ERN2: variants seen among roughly 807,000 people sequenced by gnomAD.
ERN2 encodes the protein endoplasmic reticulum to nucleus signaling 2.
ERN2 carries 111 observed loss-of-function variants against 107.9 expected under a neutral mutation model. The observed-to-expected ratio is 1.03, with a 90% confidence interval of 0.88 to 1.20. The LOEUF (loss-of-function observed/expected upper bound fraction) is 1.20, where lower values mean the gene tolerates loss of function less well. Among genes scored for constraint, ERN2 ranks in the 50% most tolerant of loss-of-function variants. ERN2 has a pLI of 0.00. For synonymous variants in ERN2, 524 were observed against 501.7 expected (o/e 1.04, Z -0.59); for missense variants, 1,225 against 1,197.9 (o/e 1.02, Z -0.33).
intron 18 of ERN2, 24 bp downstream of exon 18, chr16:23,692,160 C>T: frequency 6.2e-7 from 1 of 1,614,032 alleles, no homozygotes; most frequent in Non-Finnish European, 8.5e-7. Context: ...CCTCCCTTCT[C>T]TGCCCTGCCC....
chr16:23,706,076 G>T (rs1960294452), intron 7 of ERN2: 2 of 419,180 alleles, frequency 4.8e-6, no homozygotes, highest in African/African-American at 4.2e-5. Flanking sequence ...GTCATCCAGG[G>T]TTACCCGGTT....
intron 17 of ERN2, among the ~76,000 whole-genome samples, chr16:23,693,741 C>G (rs943455410): frequency 2.0e-5 from 3 of 152,166 alleles, no homozygotes; most frequent in Non-Finnish European, 4.4e-5. Context: ...TGGTGACTGT[C>G]CTTTTGTGTG....
intron 13 of ERN2, 26 bp from the exon 14 acceptor site, chr16:23,696,004 A>C (rs764663556): frequency 8.2e-6 from 13 of 1,582,114 alleles, no homozygotes; most frequent in African/African-American, 2.7e-5. Flanking sequence ...GTGGTGACTC[A>C]GGGAGCCTCT....
chr16:23,694,737 T>C lies in ERN2; in HGVS notation c.2091A>G (p.Pro697=). 6.2e-7 allele frequency: 1 copy of C among 1,606,448 alleles called. No homozygotes were observed. Among genetic ancestry groups the C allele is most frequent in the South Asian group, 1.1e-5 (1 of 90,242 alleles). Residue 697 remains proline (P), a synonymous_variant, in exon 17 of 22, where the codon CCA becomes CCG. Transcript: ENST00000256797. The part of the protein sequence containing the change: ...MAPELLQLLP[P]DSPTSAVDIF... ...TGGTGGATAGACTCACAGGACTGTC[T>C]GGTGGCAGGAGCTGCAGAAGCTCGG...
At position 23,704,852 on chromosome 16, in the gene ERN2, C is replaced by T. The variant is rs748629859; in HGVS notation, c.854+31G>A. 3 of 1,595,224 alleles carry T rather than the reference C, an allele frequency of 1.9e-6. No individual in the cohort carries two copies. In the African/African-American group the frequency reaches 4.0e-5, roughly 21 times the overall value. ...CAGGTTGCGACACTCCCAGATGGCT[C>T]CCTCCCTGGGCCCCAGGCACGAACA... is the stretch of plus-strand genomic sequence containing the variant. On this transcript the variant is annotated intron_variant, in intron 8 of 21. Coordinates refer to ENST00000256797, the MANE Select transcript of ERN2 (RefSeq NM_033266.4).
At chr16:23,708,759 C>T (rs1030076181) in intron 4 of ERN2, among the ~76,000 whole-genome samples, 5 of 152,260 alleles carry the variant, frequency 3.3e-5, no homozygotes, top group South Asian at 2.1e-4. Flanking sequence ...GCATGTAAGA[C>T]GTGCCTGCTT....
rs759823975 is a variant in ERN2, at chr16:23,695,982, G to A, written c.1526-4C>T. 3.1e-6 allele frequency: 5 copies of A among 1,612,418 alleles called. No individual in the cohort carries two copies. Among genetic ancestry groups the A allele is most frequent in the Middle Eastern group, 1.7e-4 (1 of 6,058 alleles). ...CCCACTACGGTGAGTTGCTCAGCTG[G>A]GGGAGAGGAGGGTGGTGACTCAGGG... is the stretch of plus-strand genomic sequence containing the variant. On this transcript the variant is annotated splice_polypyrimidine_tract_variant and splice_region_variant and intron_variant, in intron 13 of 21. Transcript: ENST00000256797.
chr16:23,711,976 G>A (rs1375402399), intron 1 of ERN2: 4 of 417,026 alleles, frequency 9.6e-6, no homozygotes, highest in Non-Finnish European at 2.0e-5. Context: ...CTTACATCTG[G>A]CGATCCTGGG....
At chr16:23,691,836 A>T in intron 19 of ERN2, 127 bp downstream of exon 19, 1 of 1,324,954 alleles carries the variant, frequency 7.5e-7, no homozygotes, top group East Asian at 2.3e-5. Context: ...AGTTTAGGGA[A>T]AGAGCCAGGC....
At chr16:23,709,004 T>A (rs1035799484) in intron 4 of ERN2, among the ~76,000 whole-genome samples, 1 of 152,246 alleles carries the variant, frequency 6.6e-6, no homozygotes, top group Non-Finnish European at 1.5e-5. Context: ...GTCCTCAAAC[T>A]ATTCTATTTG....
Position 23,690,867 on chromosome 16 carries a change from C to T in ERN2, c.2745G>A (p.Glu915=), listed in dbSNP as rs749139494. 21 of 1,613,498 alleles carry T rather than the reference C, an allele frequency of 1.3e-5. No individual in the cohort carries two copies. The Admixed American group carries it at 3.0e-4, about 23-fold the overall frequency. The change falls in exon 22 of 22, where the codon GAG becomes GAA. Residue 915 remains glutamate, a synonymous_variant. Coordinates refer to ENST00000256797, the MANE Select transcript of ERN2 (RefSeq NM_033266.4). ...TGGCCCCAGGGCATGGCCTCCTGGCCTCTGAGTCTGGCGGGTAGTAGGGCA... is the reference window on the plus strand; with the variant it reads ...TGGCCCCAGGGCATGGCCTCCTGGCTTCTGAGTCTGGCGGGTAGTAGGGCA... ...LFLPYYPPDS[E]ARRPCPGATG...
Position 23,690,449 on chromosome 16 carries a change from T to C in ERN2, c.*382A>G. 2 of 454,948 alleles carry C rather than the reference T, an allele frequency of 4.4e-6. No homozygotes were observed. Among genetic ancestry groups the C allele is most frequent in the Non-Finnish European group, 8.1e-6 (2 of 247,832 alleles). 28.2% of individuals were successfully genotyped at this position (454,948 alleles called of 1,614,324 possible). On this transcript the variant is annotated 3_prime_UTR_variant, in exon 22 of 22. Coordinates refer to ENST00000256797, the MANE Select transcript of ERN2 (RefSeq NM_033266.4). ...TTCATCAGCCCCAGGCTGCCCAGCC[T>C]CTGCCAGTCTTGTGGGGGAAAGGGG...
chr16:23,690,412 G>A lies in ERN2; in HGVS notation c.*419C>T, dbSNP rs894020346. 1.3e-5 allele frequency: 6 copies of A among 458,418 alleles called. No individual in the cohort carries two copies. The highest frequency in any genetic ancestry group is 3.9e-5 in the African/African-American group (2 of 51,622). The allele number at this position is 458,418 out of a possible 1,614,324, so 28.4% of individuals were successfully genotyped here. A position where few individuals can be genotyped will look rare whatever the true frequency, so the allele number is the denominator to read the frequency against. On this transcript the variant is annotated 3_prime_UTR_variant, in exon 22 of 22. Coordinates refer to ENST00000256797, the MANE Select transcript of ERN2 (RefSeq NM_033266.4). ...GGGGTGCCAGGGCCTGGGATCCAGCGAACATCTCTGCTTCATCAGCCCCAG... is the reference window on the plus strand; with the variant it reads ...GGGGTGCCAGGGCCTGGGATCCAGCAAACATCTCTGCTTCATCAGCCCCAG...
At position 23,710,256 on chromosome 16, in the gene ERN2, A is replaced by G. The variant is rs765194310; in HGVS notation, c.234-12T>C. 6.2e-7 allele frequency: 1 copy of G among 1,612,500 alleles called. No individual in the cohort carries two copies. Among genetic ancestry groups the G allele is most frequent in the Non-Finnish European group, 8.5e-7 (1 of 1,178,518 alleles). On this transcript the variant is annotated splice_polypyrimidine_tract_variant and intron_variant, in intron 3 of 21. Transcript: ENST00000256797. ...AGAGAAAGGCCATTCTGTGGAGCAG[A>G]GAGAAACAAGGAGACCAATGGGTTC...
chr16:23,710,033 C>G (rs1277646460), intron 4 of ERN2, 139 bp downstream of exon 4: 4 of 641,858 alleles, frequency 6.2e-6, no homozygotes, highest in Non-Finnish European at 1.1e-5. Context: ...CTCAGACAGC[C>G]TTCTCACAAT....
intron 3 of ERN2, 30 bp downstream of exon 3, chr16:23,710,486 T>C: frequency 6.2e-7 from 1 of 1,612,398 alleles, no homozygotes; most frequent in Non-Finnish European, 8.5e-7. Context: ...CCCAGAAGCC[T>C]CCTCCTTAAA....
chr16:23,706,094 CT>C (rs1012944959), intron 7 of ERN2: 4 of 444,000 alleles, frequency 9.0e-6, no homozygotes, highest in African/African-American at 8.3e-5. Flanking sequence ...GTTGGGGCCA[CT>C]TGGAGTATAG....
At position 23,701,129 on chromosome 16, in the gene ERN2, C is replaced by T. The variant is rs759086353; in HGVS notation, c.1204-15G>A. On this transcript the variant is annotated splice_polypyrimidine_tract_variant and intron_variant, in intron 11 of 21. Coordinates refer to ENST00000256797, the MANE Select transcript of ERN2 (RefSeq NM_033266.4). ...AGGCTCAATAGCTGGGGATAAAGGG[C>T]CCTTCACTTTTAGCACCCCCTTCCA... The T allele has an allele frequency of 2.1e-5, 33 of 1,609,450 alleles. No homozygotes were observed. The highest frequency in any genetic ancestry group is 2.4e-5 in the Non-Finnish European group (28 of 1,178,066).
At chr16:23,707,340 G>A in intron 4 of ERN2, 1 of 474,566 alleles carries the variant, frequency 2.1e-6, no homozygotes, top group South Asian at 2.2e-5. Flanking sequence ...AGCCTCTTGA[G>A]GAAATGCAGA....
Sources: allele counts gnomAD v4.1 joint callset (sites outside exome capture counted in the v4.1 genomes callset), GRCh38; gene constraint gnomAD v4.1.1; transcripts MANE v1.5; gene names NCBI Gene and HGNC (gene_info 2026-07-23, HGNC 2026-07-21).